The following NPW variants were observed in gnomAD, a reference collection of about 807,000 sequenced individuals.
The protein encoded by NPW is neuropeptide W.
Under a neutral mutation model 9.9 loss-of-function variants are expected in NPW, and 8 were observed. That is an observed-to-expected ratio of 0.81 (90% CI 0.47 to 1.46). The LOEUF (loss-of-function observed/expected upper bound fraction) is 1.46, where lower values mean the gene tolerates loss of function less well. NPW is among the 40% of genes most tolerant of loss of function. The pLI is 0.00. For synonymous variants in NPW, 134 were observed against 119.9 expected (o/e 1.12, Z -0.77); for missense variants, 287 against 240.3 (o/e 1.19, Z -1.28).
rs866822104 is a variant in NPW, at chr16:2,020,256, C to T, written c.355C>T (p.Arg119Cys). ...CCCCGTCCGTGCGCCCCGGAGCCCGCGCGCCCCAGAGCCTGCGCTGGAACC... is the reference window on the plus strand; with the variant it reads ...CCCCGTCCGTGCGCCCCGGAGCCCGTGCGCCCCAGAGCCTGCGCTGGAACC... Residue 119 changes from arginine to cysteine, a missense_variant, in exon 1 of 2, where the codon CGC (arginine) becomes TGC (cysteine). Transcript: ENST00000566435. 4.5e-6 allele frequency: 7 copies of T among 1,550,434 alleles called. No individual in the cohort carries two copies. The highest frequency in any genetic ancestry group is 6.1e-6 in the Non-Finnish European group (7 of 1,151,052).
chr16:2,019,879 G>C lies in NPW; in HGVS notation c.-23G>C, dbSNP rs1313673173. The C allele has an allele frequency of 3.1e-5, 38 of 1,215,536 alleles. No homozygotes were observed. The East Asian group carries it at 1.3e-3, about 40-fold the overall frequency. 75.3% of individuals were successfully genotyped at this position (1,215,536 alleles called of 1,614,324 possible). A position where few individuals can be genotyped will look rare whatever the true frequency, so the allele number is the denominator to read the frequency against. ...GAGCCGGTTCGTGGCCCGCCCCGCC[G>C]GGCGGCCGTCGACGCGAGCGCCCTG... On this transcript the variant is annotated 5_prime_UTR_variant, in exon 1 of 2. Coordinates refer to ENST00000566435, the MANE Select transcript of NPW (RefSeq NM_001099456.3).
chr16:2,020,395 AG>A, intron 1 of NPW, 83 bp downstream of exon 1: 3 of 1,326,034 alleles, frequency 2.3e-6, no homozygotes, highest in Admixed American at 2.4e-5. Flanking sequence ...CCGCGCGTTC[AG>A]GGGGCACCCT....
chr16:2,020,375 G>C, intron 1 of NPW, 63 bp downstream of exon 1: 1 of 1,388,190 alleles, frequency 7.2e-7, no homozygotes, highest in Non-Finnish European at 9.7e-7. Flanking sequence ...GTCTGAGCCG[G>C]AGCACGGAGC....
Position 2,019,860 on chromosome 16 carries a change from G to A in NPW, c.-42G>A. 2 of 1,209,910 alleles carry A rather than the reference G, an allele frequency of 1.7e-6. No individual in the cohort carries two copies. Among genetic ancestry groups the A allele is most frequent in the African/African-American group, 1.6e-5 (1 of 63,302 alleles). The allele number at this position is 1,209,910 out of a possible 1,614,324, so 74.9% of individuals were successfully genotyped here. A position where few individuals can be genotyped will look rare whatever the true frequency, so the allele number is the denominator to read the frequency against. On this transcript the variant is annotated 5_prime_UTR_variant, in exon 1 of 2. Coordinates refer to ENST00000566435, the MANE Select transcript of NPW (RefSeq NM_001099456.3). ...TGCGCGCCCAAACCCAGCCGAGCCG[G>A]TTCGTGGCCCGCCCCGCCGGGCGGC...
chr16:2,020,248 G>GGAGCCCGCGCGCCCCA lies in NPW; in HGVS notation c.353_368dup (p.Leu125ArgfsTer60). Reference sequence around the variant, plus strand: ...GCAGGGATCCCCGTCCGTGCGCCCCGGAGCCCGCGCGCCCCAGAGCCTGCG... The same window carrying GGAGCCCGCGCGCCCCA: ...GCAGGGATCCCCGTCCGTGCGCCCCGGAGCCCGCGCGCCCCAGAGCCCGCGCGCCCCAGAGCCTGCG... On this transcript the variant is annotated frameshift_variant, in exon 1 of 2. Coordinates refer to ENST00000566435, the MANE Select transcript of NPW (RefSeq NM_001099456.3). LOFTEE classifies it high-confidence loss of function. 2 of 1,557,648 alleles carry GGAGCCCGCGCGCCCCA rather than the reference G, an allele frequency of 1.3e-6. No individual in the cohort carries two copies. Among genetic ancestry groups the GGAGCCCGCGCGCCCCA allele is most frequent in the Non-Finnish European group, 1.7e-6 (2 of 1,154,894 alleles).
Position 2,020,231 on chromosome 16 carries a change from C to A in NPW, c.330C>A (p.Ile110=). Residue 110 remains isoleucine (I), a synonymous_variant, in exon 1 of 2, where the codon ATC becomes ATA. Coordinates refer to ENST00000566435, the MANE Select transcript of NPW (RefSeq NM_001099456.3). Reference sequence around the variant, plus strand: ...GACGCAGGAGCTCCCAGGCAGGGATCCCCGTCCGTGCGCCCCGGAGCCCGC... The same window carrying A: ...GACGCAGGAGCTCCCAGGCAGGGATACCCGTCCGTGCGCCCCGGAGCCCGC... 4 of 1,581,846 alleles carry A rather than the reference C, an allele frequency of 2.5e-6. No individual in the cohort carries two copies. The highest frequency in any genetic ancestry group is 3.4e-6 in the Non-Finnish European group (4 of 1,167,392).
chr16:2,020,145 C>G lies in NPW; in HGVS notation c.244C>G (p.Pro82Ala). ...GGCCAGGGACACCCTCTCCCCCGAA[C>G]CCGCAGCCCGCGAGGCTCCTCTCCT... The change falls in exon 1 of 2, where the codon CCC becomes GCC. Residue 82 changes from proline (P) to alanine (A), a missense_variant. Coordinates refer to ENST00000566435, the MANE Select transcript of NPW (RefSeq NM_001099456.3). 6.3e-7 allele frequency: 1 copy of G among 1,576,538 alleles called. No individual in the cohort carries two copies. Among genetic ancestry groups the G allele is most frequent in the Non-Finnish European group, 8.6e-7 (1 of 1,164,952 alleles).
At position 2,020,582 on chromosome 16, in the gene NPW, G is replaced by C. The variant is rs763574522; in HGVS notation, c.461G>C (p.Arg154Pro). 5 of 1,608,794 alleles carry C rather than the reference G, an allele frequency of 3.1e-6. No homozygotes were observed. Among genetic ancestry groups the C allele is most frequent in the Admixed American group, 3.3e-5 (2 of 59,860 alleles). Residue 154 changes from arginine (R) to proline (P), a missense_variant, in exon 2 of 2, where the codon CGC becomes CCC. Arg to Pro is a moderately radical substitution (Grantham distance 103). Transcript: ENST00000566435. ...CCAGCGGTGGACCCCGCAGCAAACC[G>C]CCTTGGCCTGCCCTGCCTGGCCCCC...
chr16:2,019,864 G>A lies in NPW; in HGVS notation c.-38G>A. 2 of 1,210,380 alleles carry A rather than the reference G, an allele frequency of 1.7e-6. No homozygotes were observed. Among genetic ancestry groups the A allele is most frequent in the Non-Finnish European group, 2.1e-6 (2 of 975,114 alleles). The allele number at this position is 1,210,380 out of a possible 1,614,324, so 75.0% of individuals were successfully genotyped here. ...CGCCCAAACCCAGCCGAGCCGGTTCGTGGCCCGCCCCGCCGGGCGGCCGTC... is the reference window on the plus strand; with the variant it reads ...CGCCCAAACCCAGCCGAGCCGGTTCATGGCCCGCCCCGCCGGGCGGCCGTC... On this transcript the variant is annotated 5_prime_UTR_variant, in exon 1 of 2. In the 5' UTR this introduces an upstream ATG that the reference lacks. Coordinates refer to ENST00000566435, the MANE Select transcript of NPW (RefSeq NM_001099456.3).
At chr16:2,020,378 C>A in intron 1 of NPW, 66 bp downstream of exon 1, 1 of 1,377,900 alleles carries the variant, frequency 7.3e-7, no homozygotes. Context: ...TGAGCCGGAG[C>A]ACGGAGCCGC....
In NPW at chr16:2,020,567, A is replaced by C. The variant is rs2286472; in HGVS notation, c.446A>C (p.Asp149Ala). The C allele has an allele frequency of 0.32, 506,635 of 1,596,698 alleles. 86,920 individuals are homozygous for C. Among genetic ancestry groups the C allele is most frequent in the African/African-American group, 0.61 (45,243 of 73,896 alleles). The change falls in exon 2 of 2, where the codon GAC (aspartate) becomes GCC (alanine). Residue 149 changes from aspartate (D) to alanine (A), a missense_variant. Transcript: ENST00000566435. ...AGAGACGTCTCCCGCCCAGCGGTGGACCCCGCAGCAAACCGCCTTGGCCTG... is the reference window on the plus strand; with the variant it reads ...AGAGACGTCTCCCGCCCAGCGGTGGCCCCCGCAGCAAACCGCCTTGGCCTG...
Position 2,020,627 on chromosome 16 carries a change from CCCCG to C in NPW, c.*17_*20del. On this transcript the variant is annotated 3_prime_UTR_variant, in exon 2 of 2. Transcript: ENST00000566435. ...GCCCCCGGACCGTTCTGACAGCGTCCCCCGCCCGCCCGTGGCGCCTCCGCGCCTG... is the reference window on the plus strand; with the variant it reads ...GCCCCCGGACCGTTCTGACAGCGTCCCCCGCCCGTGGCGCCTCCGCGCCTG... 3 of 1,564,220 alleles carry C rather than the reference CCCCG, an allele frequency of 1.9e-6. No homozygotes were observed. The highest frequency in any genetic ancestry group is 2.6e-6 in the Non-Finnish European group (3 of 1,143,624).
In NPW at chr16:2,019,809, C is replaced by T. The variant is rs2083825209; in HGVS notation, c.-93C>T. ...CGGCTCGCCTCCAGCCTCCTGCGCTCCGGTACCTGGGCGTCCCAACTCCAC... is the reference window on the plus strand; with the variant it reads ...CGGCTCGCCTCCAGCCTCCTGCGCTTCGGTACCTGGGCGTCCCAACTCCAC... On this transcript the variant is annotated 5_prime_UTR_variant, in exon 1 of 2. Transcript: ENST00000566435. The T allele has an allele frequency of 2.5e-6, 3 of 1,195,340 alleles. No homozygotes were observed. The highest frequency in any genetic ancestry group is 1.6e-5 in the African/African-American group (1 of 62,920). The allele number at this position is 1,195,340 out of a possible 1,614,324, so 74.0% of individuals were successfully genotyped here.
At position 2,020,255 on chromosome 16, in the gene NPW, G is replaced by C; in HGVS notation, c.354G>C (p.Pro118=). The C allele has an allele frequency of 3.2e-6, 5 of 1,550,288 alleles. No homozygotes were observed. Among genetic ancestry groups the C allele is most frequent in the South Asian group, 1.2e-5 (1 of 84,786 alleles). The change falls in exon 1 of 2, where the codon CCG becomes CCC. Residue 118 remains proline (P), a synonymous_variant. Transcript: ENST00000566435. Reference sequence around the variant, plus strand: ...TCCCCGTCCGTGCGCCCCGGAGCCCGCGCGCCCCAGAGCCTGCGCTGGAAC... The same window carrying C: ...TCCCCGTCCGTGCGCCCCGGAGCCCCCGCGCCCCAGAGCCTGCGCTGGAAC...
rs781018838 is a variant in NPW at position 2,019,999 on chromosome 16, G to A, written c.98G>A (p.Trp33Ter). 28 of 1,451,568 alleles carry A rather than the reference G, an allele frequency of 1.9e-5. 1 individual carries two copies. In the South Asian group the frequency reaches 2.3e-4, roughly 12 times the overall value. The allele number at this position is 1,451,568 out of a possible 1,614,324, so 89.9% of individuals were successfully genotyped here. Residue 33 changes from tryptophan (W) to a stop codon, truncating the protein, a stop_gained, in exon 1 of 2, where the codon TGG (tryptophan) becomes TAG (stop). Transcript: ENST00000566435. LOFTEE classifies it high-confidence loss of function. ...CTGCTGCCGCTGCCCTCCGGCGCGTGGTACAAGCACGTGGCGAGTCCCCGC... is the reference window on the plus strand; with the variant it reads ...CTGCTGCCGCTGCCCTCCGGCGCGTAGTACAAGCACGTGGCGAGTCCCCGC...
In NPW at chr16:2,020,244, C is replaced by G; in HGVS notation, c.343C>G (p.Pro115Ala). The G allele has an allele frequency of 6.4e-7, 1 of 1,562,404 alleles. No homozygotes were observed. Among genetic ancestry groups the G allele is most frequent in the Non-Finnish European group, 8.6e-7 (1 of 1,157,374 alleles). Residue 115 changes from proline (P) to alanine (A), a missense_variant, in exon 1 of 2, where the codon CCC (proline) becomes GCC (alanine). Physicochemically the swap from Pro to Ala is conservative, Grantham distance 27 (BLOSUM62 -1). Transcript: ENST00000566435. ...CCAGGCAGGGATCCCCGTCCGTGCG[C>G]CCCGGAGCCCGCGCGCCCCAGAGCC...
Position 2,020,273 on chromosome 16 carries a change from G to A in NPW, c.372G>A (p.Ala124=). 1.3e-6 allele frequency: 2 copies of A among 1,536,458 alleles called. No individual in the cohort carries two copies. The highest frequency in any genetic ancestry group is 1.2e-5 in the South Asian group (1 of 83,714). Residue 124 remains alanine, a synonymous_variant, in exon 1 of 2, where the codon GCG becomes GCA. Transcript: ENST00000566435. ...GGAGCCCGCGCGCCCCAGAGCCTGC[G>A]CTGGAACCGGAGTCCCTGGACTTCA...
rs1243623322 is a variant in NPW, at chr16:2,019,851, G to A, written c.-51G>A. Reference sequence around the variant, plus strand: ...CAACTCCACTGCGCGCCCAAACCCAGCCGAGCCGGTTCGTGGCCCGCCCCG... The same window carrying A: ...CAACTCCACTGCGCGCCCAAACCCAACCGAGCCGGTTCGTGGCCCGCCCCG... On this transcript the variant is annotated 5_prime_UTR_variant, in exon 1 of 2. Transcript: ENST00000566435. 2 of 1,206,636 alleles carry A rather than the reference G, an allele frequency of 1.7e-6. No individual in the cohort carries two copies. The highest frequency in any genetic ancestry group is 2.1e-6 in the Non-Finnish European group (2 of 972,970). 74.7% of individuals were successfully genotyped at this position (1,206,636 alleles called of 1,614,324 possible).
rs1596195103 is a variant in NPW at position 2,019,837 on chromosome 16, C to A, written c.-65C>A. ...GTACCTGGGCGTCCCAACTCCACTGCGCGCCCAAACCCAGCCGAGCCGGTT... is the reference window on the plus strand; with the variant it reads ...GTACCTGGGCGTCCCAACTCCACTGAGCGCCCAAACCCAGCCGAGCCGGTT... On this transcript the variant is annotated 5_prime_UTR_variant, in exon 1 of 2. Coordinates refer to ENST00000566435, the MANE Select transcript of NPW (RefSeq NM_001099456.3). The A allele has an allele frequency of 1.7e-6, 2 of 1,202,622 alleles. No homozygotes were observed. Among genetic ancestry groups the A allele is most frequent in the Non-Finnish European group, 2.1e-6 (2 of 970,228 alleles). 74.5% of individuals were successfully genotyped at this position (1,202,622 alleles called of 1,614,324 possible). A position where few individuals can be genotyped will look rare whatever the true frequency, so the allele number is the denominator to read the frequency against.
Sources: gnomAD v4.1 joint callset for allele counts on GRCh38, gnomAD v4.1.1 for gene constraint, MANE v1.5 for transcripts, NCBI Gene and HGNC (gene_info 2026-07-23, HGNC 2026-07-21) for gene names.